The following ARHGAP12 variants were observed in gnomAD, a reference collection of about 807,000 sequenced individuals.
ARHGAP12 encodes the protein Rho GTPase activating protein 12.
Under a neutral mutation model 108.6 loss-of-function variants are expected in ARHGAP12, and 64 were observed. The observed-to-expected ratio is 0.59, with a 90% CI of 0.48 to 0.73. The LOEUF is 0.73. ARHGAP12 is among the 30% of genes least tolerant of loss of function. The pLI is 0.00. For synonymous variants in ARHGAP12, 312 were observed against 337.2 expected (o/e 0.93, Z 0.82); for missense variants, 940 against 1,005.9 (o/e 0.93, Z 0.89).
chr10:31,865,699 C>T (rs981834317), intron 3 of ARHGAP12, among the ~76,000 whole-genome samples: 1 of 151,880 alleles, frequency 6.6e-6, no homozygotes, highest in African/African-American at 2.4e-5. Flanking sequence ...CATGCCGAAA[C>T]CCCATCTCTA....
At chr10:31,862,160 T>G (rs1167781895) in intron 3 of ARHGAP12, among the ~76,000 whole-genome samples, 1 of 152,192 alleles carries the variant, frequency 6.6e-6, no homozygotes, top group East Asian at 1.9e-4. Flanking sequence ...TATTCTAAGC[T>G]CTAACATTAA....
chr10:31,818,017 AG>A, intron 12 of ARHGAP12, 131 bp from the exon 13 acceptor site: 1 of 655,596 alleles, frequency 1.5e-6, no homozygotes, highest in Non-Finnish European at 2.6e-6. Flanking sequence ...CAATGATGCA[AG>A]GTTAAAGGAC....
intron 1 of ARHGAP12, among the ~76,000 whole-genome samples, chr10:31,928,170 T>TCG (rs1840133559): frequency 1.6e-5 from 2 of 122,446 alleles, no homozygotes; most frequent in South Asian, 5.2e-4. Flanking sequence ...GGCCGGCCTT[T>TCG]TGCGCACACA....
At chr10:31,824,910 C>T (rs1002000749) in intron 11 of ARHGAP12, among the ~76,000 whole-genome samples, 4 of 152,096 alleles carry the variant, frequency 2.6e-5, no homozygotes, top group African/African-American at 7.2e-5. Flanking sequence ...AAAAGTTGAG[C>T]CGTAAATAGG....
In ARHGAP12 at chr10:31,908,890, C is replaced by T. The variant is rs1202196307; in HGVS notation, c.-35G>A. 6.6e-7 allele frequency: 1 copy of T among 1,525,554 alleles called. No individual in the cohort carries two copies. The highest frequency in any genetic ancestry group is 8.8e-7 in the Non-Finnish European group (1 of 1,136,570). 94.5% of individuals were successfully genotyped at this position (1,525,554 alleles called of 1,614,324 possible). On this transcript the variant is annotated 5_prime_UTR_variant, in exon 3 of 20. An upstream open reading frame in the 5' UTR gains an earlier in-frame stop. Coordinates refer to ENST00000344936, the MANE Select transcript of ARHGAP12 (RefSeq NM_018287.7). ...TTCACCTCTCAAAAAGGATGTTATA[C>T]CACATTATGGCTTTATGGCTTGTTG...
intron 4 of ARHGAP12, among the ~76,000 whole-genome samples, chr10:31,855,957 A>G (rs1034162244): frequency 2.0e-5 from 3 of 152,146 alleles, no homozygotes; most frequent in Non-Finnish European, 4.4e-5. Context: ...TAAAGTTAAG[A>G]TTATTTTTGG....
intron 13 of ARHGAP12, among the ~76,000 whole-genome samples, chr10:31,815,125 A>G (rs973708106): frequency 1.3e-5 from 2 of 150,370 alleles, no homozygotes; most frequent in African/African-American, 2.5e-5. Context: ...TGTCTCAAAA[A>G]AAAAAAAAAA....
At chr10:31,844,249 T>C (rs1836369568) in intron 6 of ARHGAP12, among the ~76,000 whole-genome samples, 1 of 152,206 alleles carries the variant, frequency 6.6e-6, no homozygotes, top group South Asian at 2.1e-4. Flanking sequence ...TTTCCTTTTA[T>C]AGTAGGCTTC....
chr10:31,817,979 C>T (rs987799082), intron 12 of ARHGAP12, 93 bp from the exon 13 acceptor site: 4 of 840,690 alleles, frequency 4.8e-6, no homozygotes, highest in South Asian at 3.0e-5. Context: ...AACAAAACCA[C>T]CAAGAGTAGC....
At chr10:31,857,550 T>C (rs947403043) in intron 4 of ARHGAP12, among the ~76,000 whole-genome samples, 1 of 152,090 alleles carries the variant, frequency 6.6e-6, no homozygotes. Flanking sequence ...TTTTCCAGAA[T>C]TGATCAAAGA....
chr10:31,857,055 A>C (rs566522412), intron 4 of ARHGAP12, among the ~76,000 whole-genome samples: 62 of 152,246 alleles, frequency 4.1e-4, no homozygotes, highest in African/African-American at 1.5e-3. Flanking sequence ...CTTAGGGAAT[A>C]AAGCATTATC....
chr10:31,884,094 T>TAA (rs59701767), intron 3 of ARHGAP12, among the ~76,000 whole-genome samples: 59 of 114,468 alleles, frequency 5.2e-4, no homozygotes, highest in African/African-American at 1.5e-3. Flanking sequence ...TGTTTACACC[T>TAA]AAAAAAAAAA....
chr10:31,869,600 A>G (rs766764023), intron 3 of ARHGAP12, among the ~76,000 whole-genome samples: 59 of 152,280 alleles, frequency 3.9e-4, no homozygotes, highest in Middle Eastern at 3.4e-3. Context: ...AACAAAGTTA[A>G]TTTTATGGGT....
At chr10:31,808,432 T>C in intron 19 of ARHGAP12, 1 of 418,096 alleles carries the variant, frequency 2.4e-6, no homozygotes, top group South Asian at 3.2e-5. Context: ...ATTACATAAA[T>C]ACTTCACATA....
chr10:31,906,417 A>G (rs1307060664), intron 3 of ARHGAP12, among the ~76,000 whole-genome samples: 3 of 152,204 alleles, frequency 2.0e-5, no homozygotes, highest in Non-Finnish European at 4.4e-5. Context: ...AGGTTCAGTG[A>G]TTTTCCCCAA....
chr10:31,917,483 AT>A (rs2132483181), intron 1 of ARHGAP12, among the ~76,000 whole-genome samples: 1 of 152,318 alleles, frequency 6.6e-6, no homozygotes, highest in Admixed American at 6.5e-5. Flanking sequence ...CTAACAACTT[AT>A]TCTAGAAGAA....
chr10:31,928,751 G>A lies in ARHGAP12; in HGVS notation c.-179C>T, dbSNP rs1357906077. On this transcript the variant is annotated 5_prime_UTR_variant, in exon 1 of 20. Transcript: ENST00000344936. ...CGCCCCGCGGCTGCGGGTCGACGACGCGAGCCCGAAGAGCGTTCACACGGC... is the reference window on the plus strand; with the variant it reads ...CGCCCCGCGGCTGCGGGTCGACGACACGAGCCCGAAGAGCGTTCACACGGC... 1 of 151,860 alleles carries A rather than the reference G, an allele frequency of 6.6e-6. No individual in the cohort carries two copies. The highest frequency in any genetic ancestry group is 6.6e-5 in the Admixed American group (1 of 15,246). The allele number at this position is 151,860 out of a possible 1,614,324, so 9.4% of individuals were successfully genotyped here.
chr10:31,829,662 A>T (rs531337884), intron 10 of ARHGAP12, among the ~76,000 whole-genome samples: 3 of 152,330 alleles, frequency 2.0e-5, no homozygotes, highest in Non-Finnish European at 1.5e-5. Flanking sequence ...GTGAACTAGT[A>T]TTTTACAAAT....
chr10:31,914,065 G>C (rs1839462002), intron 1 of ARHGAP12, among the ~76,000 whole-genome samples: 2 of 152,128 alleles, frequency 1.3e-5, no homozygotes, highest in Non-Finnish European at 2.9e-5. Context: ...TGAAATAATT[G>C]TTCTGTTAAC....
Sources: gnomAD v4.1 joint callset for allele counts (sites outside exome capture counted in the v4.1 genomes callset) on GRCh38, gnomAD v4.1.1 for gene constraint, MANE v1.5 for transcripts, NCBI Gene and HGNC (gene_info 2026-07-23, HGNC 2026-07-21) for gene names.